SCML2: variants seen among roughly 807,000 people sequenced by gnomAD.
SCML2 encodes the protein Scm polycomb group protein like 2.
Under a neutral mutation model 48.4 loss-of-function variants are expected in SCML2, and 6 were observed. That is an observed-to-expected ratio of 0.12 (90% CI 0.07 to 0.24). SCML2 has a LOEUF of 0.24. SCML2 is among the 10% of genes least tolerant of loss of function. The probability of loss-of-function intolerance (pLI) is 1.00; values close to 1 mark genes in which losing one functional copy is unlikely to be tolerated. For synonymous variants in SCML2, 181 were observed against 189.5 expected, an observed-to-expected ratio of 0.95 and a Z score of 0.37; for missense variants, 377 against 528.2, an observed-to-expected ratio of 0.71 and a Z score of 2.81.
chrX:18,326,959 T>C (rs1334330378), intron 3 of SCML2, among the ~76,000 whole-genome samples: 1 of 111,696 alleles, frequency 9.0e-6, no homozygotes, highest in Admixed American at 9.6e-5. Flanking sequence ...TTGTCAAAAG[T>C]GAAAACCGAA....
In SCML2 at chrX:18,247,790, T is replaced by C; in HGVS notation, c.1549A>G (p.Thr517Ala). ...VVPLSPKLPK[T>A]KEYASEGEPL... ...TTACCTTCAGACGCATACTCCTTTG[T>C]TTTGGGGAGCTTAGGAGAGAGAGGA... The change falls in exon 12 of 15, where the codon ACA (threonine) becomes GCA (alanine). Residue 517 changes from threonine to alanine, a missense_variant. Physicochemically the swap from Thr to Ala is moderately conservative, Grantham distance 58 (BLOSUM62 0). Around this residue, in one of 3 missense-constraint regions of SCML2, gnomAD observed 299 missense variants for 425.5 expected, o/e 0.70. Transcript: ENST00000251900. 8.3e-7 allele frequency: 1 copy of C among 1,204,884 alleles called. No homozygotes were observed. The highest frequency in any genetic ancestry group is 1.1e-6 in the Non-Finnish European group (1 of 889,292).
intron 7 of SCML2, among the ~76,000 whole-genome samples, chrX:18,301,393 G>A (rs187082955): frequency 9.2e-5 from 10 of 108,579 alleles, no homozygotes; most frequent in Non-Finnish European, 1.5e-4. Flanking sequence ...GCGAGACTCC[G>A]TCTCAGGAAA....
rs913130777 is a variant in SCML2 at position 18,320,925 on chromosome X, C to T, written c.398-505G>A. ...AGAAAAAAACCTATAGATATTGACT[C>T]GTTAATGATATATATGCTAAAATAT... On this transcript the variant is annotated intron_variant, in intron 5 of 14. Coordinates refer to ENST00000251900, the MANE Select transcript of SCML2 (RefSeq NM_006089.3). Among the ~76,000 whole-genome samples, 10 of 111,294 alleles carry T rather than the reference C, an allele frequency of 9.0e-5. No individual in the cohort carries two copies. In the East Asian group the frequency reaches 1.1e-3, roughly 12 times the overall value.
At chrX:18,330,986 G>A (rs1409588764) in intron 2 of SCML2, among the ~76,000 whole-genome samples, 1 of 110,657 alleles carries the variant, frequency 9.0e-6, no homozygotes, top group East Asian at 2.9e-4. Context: ...CAGGCCAGGC[G>A]TGGTGGCTCA....
chrX:18,329,799 C>A (rs1929597207), intron 3 of SCML2, among the ~76,000 whole-genome samples: 1 of 112,422 alleles, frequency 8.9e-6, no homozygotes, highest in South Asian at 3.7e-4. Flanking sequence ...AAAAAAGAGC[C>A]GGGCACAGTG....
chrX:18,281,070 A>G (rs1927821149), intron 7 of SCML2, among the ~76,000 whole-genome samples: 1 of 90,639 alleles, frequency 1.1e-5, no homozygotes, highest in African/African-American at 3.8e-5. Context: ...CTGCACACAG[A>G]ACATATTCTA....
rs1373202412 is a variant in SCML2, at chrX:18,247,748, G to A, written c.1570+21C>T. The A allele has an allele frequency of 3.8e-6, 4 of 1,050,319 alleles. No individual in the cohort carries two copies. In the South Asian group the frequency reaches 7.6e-5, roughly 20 times the overall value. The allele number at this position is 1,050,319 out of a possible 1,213,427, so 86.6% of individuals were successfully genotyped here. Reference sequence around the variant, plus strand: ...AGAGAAACATTTCTTCCCAGTCCTGGGAGGTGTAAATGCTATTTACCTTCA... The same window carrying A: ...AGAGAAACATTTCTTCCCAGTCCTGAGAGGTGTAAATGCTATTTACCTTCA... On this transcript the variant is annotated intron_variant, in intron 12 of 14. Transcript: ENST00000251900.
chrX:18,260,982 G>C (rs1195148722), intron 8 of SCML2, among the ~76,000 whole-genome samples: 1 of 109,314 alleles, frequency 9.1e-6, no homozygotes, highest in East Asian at 2.8e-4. Context: ...CCTGTGCATA[G>C]AAAAGGTAAT....
intron 12 of SCML2, 100 bp from the exon 13 acceptor site, chrX:18,246,928 T>C: frequency 1.1e-6 from 1 of 886,936 alleles, no homozygotes; most frequent in Non-Finnish European, 1.6e-6. Context: ...TTCACTTAAC[T>C]TGTGCTATAC....
At position 18,320,088 on chromosome X, in the gene SCML2, T is replaced by C. The variant is rs755363188; in HGVS notation, c.486+244A>G. On this transcript the variant is annotated intron_variant, in intron 6 of 14. Transcript: ENST00000251900. ...ATGTCTATATGCTAATGGTGGAGCATTGCACATATCTGAGGGCACTTTGAT... is the reference window on the plus strand; with the variant it reads ...ATGTCTATATGCTAATGGTGGAGCACTGCACATATCTGAGGGCACTTTGAT... Among the ~76,000 whole-genome samples the C allele has an allele frequency of 2.4e-4, 27 of 112,460 alleles. No individual in the cohort carries two copies. In the South Asian group the frequency reaches 3.0e-3, roughly 12 times the overall value.
intron 7 of SCML2, among the ~76,000 whole-genome samples, chrX:18,288,574 A>G (rs1354495714): frequency 1.8e-5 from 2 of 112,314 alleles, no homozygotes; most frequent in East Asian, 5.5e-4. Flanking sequence ...AGAACAAAAC[A>G]GAGGACATCT....
At chrX:18,324,772 G>A in intron 4 of SCML2, 135 bp downstream of exon 4, 1 of 448,584 alleles carries the variant, frequency 2.2e-6, no homozygotes, top group South Asian at 4.9e-5. Flanking sequence ...TGAATGCAAA[G>A]AGACCATCTG....
Position 18,239,446 on chromosome X carries a change from T to C in SCML2, c.*1805A>G, listed in dbSNP as rs1926190516. The C allele has an allele frequency of 8.9e-6, 1 of 112,923 alleles. No homozygotes were observed. Among genetic ancestry groups the C allele is most frequent in the Admixed American group, 9.4e-5 (1 of 10,654 alleles). The allele number at this position is 112,923 out of a possible 1,213,427, so 9.3% of individuals were successfully genotyped here. ...AAACAACTTGAAAGAAGACCAAGTT[T>C]AAGTAAGAATCTTATGACATGTAAG... On this transcript the variant is annotated 3_prime_UTR_variant, in exon 15 of 15. Transcript: ENST00000251900.
intron 7 of SCML2, among the ~76,000 whole-genome samples, chrX:18,276,487 T>C (rs995719492): frequency 2.7e-5 from 3 of 110,931 alleles, no homozygotes; most frequent in African/African-American, 9.8e-5. Flanking sequence ...TGTATTGACA[T>C]ACATACATAC....
In SCML2 at chrX:18,320,433, ATAAAT is replaced by A; in HGVS notation, c.398-18_398-14del. ...TTCATCTGGTACCCTGTTTTATAAA[ATAAAT>A]TAGGTATCATGAAAAAGCCTCCTTG... On this transcript the variant is annotated splice_polypyrimidine_tract_variant and intron_variant, in intron 5 of 14. Transcript: ENST00000251900. 9.5e-7 allele frequency: 1 copy of A among 1,052,611 alleles called. No individual in the cohort carries two copies. 86.7% of individuals were successfully genotyped at this position (1,052,611 alleles called of 1,213,427 possible).
At chrX:18,248,666 T>A (rs898216705) in intron 11 of SCML2, among the ~76,000 whole-genome samples, 2 of 111,947 alleles carry the variant, frequency 1.8e-5, no homozygotes, top group Non-Finnish European at 3.8e-5. Context: ...AGTAGAGCTC[T>A]TACCACTTTA....
intron 1 of SCML2, among the ~76,000 whole-genome samples, chrX:18,346,804 C>CA (rs1043276432): frequency 4.5e-4 from 49 of 107,990 alleles, no homozygotes; most frequent in Non-Finnish European, 5.4e-4. Flanking sequence ...TGCCTAAATG[C>CA]AAAAAAAAAT....
At chrX:18,335,429 G>C (rs746505802) in intron 1 of SCML2, among the ~76,000 whole-genome samples, 3 of 111,089 alleles carry the variant, frequency 2.7e-5, no homozygotes, top group Non-Finnish European at 1.9e-5. Flanking sequence ...ACCTGAGCCC[G>C]GGAAATCCAG....
intron 5 of SCML2, among the ~76,000 whole-genome samples, chrX:18,322,456 T>C (rs1250151192): frequency 1.8e-5 from 2 of 112,260 alleles, no homozygotes; most frequent in Non-Finnish European, 3.8e-5. Context: ...ATTGCACTTA[T>C]CTTTCACATA....
Sources: gnomAD v4.1 joint callset for allele counts (sites outside exome capture counted in the v4.1 genomes callset) on GRCh38, gnomAD v4.1.1 for gene constraint, gnomAD v4.1.1 regional missense constraint, MANE v1.5 for transcripts, NCBI Gene and HGNC (gene_info 2026-07-23, HGNC 2026-07-21) for gene names.